Variants in BRAP observed in about 807,000 individuals in gnomAD.
BRAP encodes the protein BRCA1 associated protein, also known as BRCA1-associated protein.
A neutral mutation model predicts 73.4 loss-of-function variants in BRAP; 42 were observed. That is an observed-to-expected ratio of 0.57 (90% CI 0.45 to 0.74). BRAP has a LOEUF of 0.74. BRAP is among the 30% of genes least tolerant of loss of function. The pLI is 0.00. For synonymous variants in BRAP, 255 were observed against 267.4 expected (o/e 0.95, Z 0.45); for missense variants, 593 against 751.4 (o/e 0.79, Z 2.46).
intron 5 of BRAP, among the ~76,000 whole-genome samples, chr12:111,669,200 T>C (rs1887073968): frequency 6.6e-6 from 1 of 152,104 alleles, no homozygotes; most frequent in Non-Finnish European, 1.5e-5. Context: ...TGCTTACAGT[T>C]TTAAACAGAC....
chr12:111,651,112 CAG>C (rs1056884858), intron 10 of BRAP, among the ~76,000 whole-genome samples: 86 of 152,228 alleles, frequency 5.6e-4, no homozygotes, highest in African/African-American at 2.0e-3. Context: ...GGCAATATAA[CAG>C]GAACTGAAAG....
In BRAP at chr12:111,658,710, GAGTGATAACTC is replaced by G. The variant is rs780298154; in HGVS notation, c.1221+15_1221+25del. 1.2e-4 allele frequency: 169 copies of G among 1,405,978 alleles called. 3 individuals carry two copies. In the South Asian group the frequency reaches 2.0e-3, roughly 16 times the overall value. 87.1% of individuals were successfully genotyped at this position (1,405,978 alleles called of 1,614,324 possible). On this transcript the variant is annotated intron_variant, in intron 9 of 11. Transcript: ENST00000419234. ...TAGTAAAGAGCAGTAGAAACAGATAGAGTGATAACTCATTAAATCTCTTACCTCTAACTGTA... is the reference window on the plus strand; with the variant it reads ...TAGTAAAGAGCAGTAGAAACAGATAGATTAAATCTCTTACCTCTAACTGTA...
At chr12:111,685,673 C>G (rs1887797684) in intron 1 of BRAP, 38 bp downstream of exon 1, 1 of 1,582,514 alleles carries the variant, frequency 6.3e-7, no homozygotes, top group African/African-American at 1.3e-5. Flanking sequence ...CGGGCCCAGA[C>G]CCGGCTACAG....
At chr12:111,672,033 T>C (rs1887197305) in intron 5 of BRAP, among the ~76,000 whole-genome samples, 1 of 152,020 alleles carries the variant, frequency 6.6e-6, no homozygotes, top group African/African-American at 2.4e-5. Context: ...AGGGTGATCT[T>C]GTCTCTAAAA....
At chr12:111,671,234 G>A (rs1307272585) in intron 5 of BRAP, among the ~76,000 whole-genome samples, 2 of 152,074 alleles carry the variant, frequency 1.3e-5, no homozygotes, top group East Asian at 3.9e-4. Context: ...TGAAAGATCA[G>A]AGCCATCACA....
At chr12:111,657,109 T>C (rs1241100178) in intron 9 of BRAP, among the ~76,000 whole-genome samples, 1 of 152,174 alleles carries the variant, frequency 6.6e-6, no homozygotes, top group Non-Finnish European at 1.5e-5. Context: ...AATGGCGCCA[T>C]CTGGGCTCAC....
At chr12:111,678,598 A>C (rs1887474054) in intron 4 of BRAP, among the ~76,000 whole-genome samples, 1 of 150,916 alleles carries the variant, frequency 6.6e-6, no homozygotes, top group Non-Finnish European at 1.5e-5. Context: ...CGGAGGTTGC[A>C]GTGAGCCGAT....
intron 6 of BRAP, among the ~76,000 whole-genome samples, chr12:111,663,766 C>T (rs1198058262): frequency 6.6e-6 from 1 of 152,186 alleles, no homozygotes; most frequent in Middle Eastern, 3.2e-3. Flanking sequence ...GCATCTCTCA[C>T]AGTTCTATGC....
chr12:111,650,361 G>A (rs1184639261), intron 10 of BRAP, among the ~76,000 whole-genome samples: 1 of 152,146 alleles, frequency 6.6e-6, no homozygotes, highest in Non-Finnish European at 1.5e-5. Context: ...CCGCTCTTGG[G>A]TTCAAGCAAT....
chr12:111,665,726 C>T lies in BRAP; in HGVS notation c.809G>A (p.Arg270His), dbSNP rs772189701. Residue 270 changes from arginine (R) to histidine (H), a missense_variant, in exon 6 of 12, where the codon CGC becomes CAC. By Grantham distance (29) the Arg-to-His change is conservative. Transcript: ENST00000419234. The surrounding 1 kb of genome is among the most constrained non-coding windows in gnomAD (Gnocchi z 4.3). ...ELPKCTVCLE[R>H]MDESVNGILT... The stretch of plus-strand genomic sequence containing the variant: ...GATGCCATTCACAGACTCGTCCATG[C>T]GCTCCAGACACACCGTGCACTTGGG... 31 of 1,614,120 alleles carry T rather than the reference C, an allele frequency of 1.9e-5. No individual in the cohort carries two copies. Among genetic ancestry groups the T allele is most frequent in the East Asian group, 4.5e-5 (2 of 44,902 alleles).
chr12:111,659,781 C>T (rs1439309452), intron 7 of BRAP, among the ~76,000 whole-genome samples: 1 of 152,140 alleles, frequency 6.6e-6, no homozygotes, highest in Non-Finnish European at 1.5e-5. Context: ...TTTTGGGAGG[C>T]TGAGGCAGGA....
In BRAP at chr12:111,655,435, C is replaced by T. The variant is rs150252975; in HGVS notation, c.1311+131G>A. 2.1e-5 allele frequency: 14 copies of T among 652,480 alleles called. No homozygotes were observed. In the African/African-American group the frequency reaches 2.5e-4, roughly 12 times the overall value. The allele number at this position is 652,480 out of a possible 1,614,324, so 40.4% of individuals were successfully genotyped here. On this transcript the variant is annotated intron_variant, in intron 10 of 11. Coordinates refer to ENST00000419234, the MANE Select transcript of BRAP (RefSeq NM_006768.5). ...GTTTCTTTTTAGTGGCAAAACAGTTCTCCACCTATTACCTGCCTGAGAAGG... is the reference window on the plus strand; with the variant it reads ...GTTTCTTTTTAGTGGCAAAACAGTTTTCCACCTATTACCTGCCTGAGAAGG...
chr12:111,651,897 A>G (rs1180242316), intron 10 of BRAP, among the ~76,000 whole-genome samples: 2 of 152,038 alleles, frequency 1.3e-5, no homozygotes, highest in African/African-American at 4.8e-5. Flanking sequence ...CGGCCTCCCA[A>G]AGTGCTAGGA....
chr12:111,682,497 CAAAAAAAA>C (rs11366915), intron 2 of BRAP, among the ~76,000 whole-genome samples: 10 of 77,906 alleles, frequency 1.3e-4, no homozygotes, highest in Non-Finnish European at 2.0e-4. Flanking sequence ...GAGACTGTCT[CAAAAAAAA>C]AAAAAAAAAA....
At chr12:111,672,805 A>T in intron 4 of BRAP, 31 bp from the exon 5 acceptor site, 1 of 1,541,242 alleles carries the variant, frequency 6.5e-7, no homozygotes, top group African/African-American at 1.4e-5. Flanking sequence ...AAGGAAAAAA[A>T]TTAAGACAGA....
At chr12:111,663,453 A>C (rs1012329002) in intron 6 of BRAP, among the ~76,000 whole-genome samples, 1 of 152,194 alleles carries the variant, frequency 6.6e-6, no homozygotes. Flanking sequence ...ACTCCATCTC[A>C]AAAAATAATA....
chr12:111,664,127 A>T (rs1592982094), intron 6 of BRAP, among the ~76,000 whole-genome samples: 1 of 152,196 alleles, frequency 6.6e-6, no homozygotes, highest in African/African-American at 2.4e-5. Context: ...GGAGTTCAAG[A>T]CCAGCCTAGA....
intron 5 of BRAP, among the ~76,000 whole-genome samples, chr12:111,667,015 T>A (rs1886969425): frequency 6.6e-6 from 1 of 152,192 alleles, no homozygotes; most frequent in African/African-American, 2.4e-5. Context: ...AGGTTAATAT[T>A]TCATTTGGGT....
At chr12:111,646,372 A>G (rs930783782) in intron 11 of BRAP, among the ~76,000 whole-genome samples, 3 of 152,222 alleles carry the variant, frequency 2.0e-5, no homozygotes, top group Non-Finnish European at 4.4e-5. Context: ...ATTTTTATGC[A>G]TCAGAACACC....
Sources: allele counts gnomAD v4.1 joint callset (sites outside exome capture counted in the v4.1 genomes callset), GRCh38; gene constraint gnomAD v4.1.1; non-coding constraint Gnocchi (gnomAD v3.1); transcripts MANE v1.5; gene names NCBI Gene and HGNC (gene_info 2026-07-23, HGNC 2026-07-21).